The following ZNF804A variants were observed in gnomAD, a reference collection of about 807,000 sequenced individuals.
The protein encoded by ZNF804A is zinc finger protein 804A.
ZNF804A carries 2 observed loss-of-function variants against 16.5 expected under a neutral mutation model. The observed-to-expected ratio is 0.12, with a 90% CI of 0.05 to 0.38. The LOEUF is 0.38. Ranked by LOEUF, ZNF804A falls within the 10% of genes least tolerant of loss-of-function variation. The pLI is 0.99. For synonymous variants in ZNF804A, 534 were observed against 489.6 expected (o/e 1.09, Z -1.20); for missense variants, 1,473 against 1,390.7 (o/e 1.06, Z -0.94).
At chr2:184,766,004 A>G in intron 1 of ZNF804A, among the ~76,000 whole-genome samples, 1 of 152,140 alleles carries the variant, frequency 6.6e-6, no homozygotes, top group East Asian at 1.9e-4. Flanking sequence ...GGAGAAATAA[A>G]TTATTATTGT....
At chr2:184,794,035 T>C (rs995528665) in intron 1 of ZNF804A, among the ~76,000 whole-genome samples, 1 of 152,138 alleles carries the variant, frequency 6.6e-6, no homozygotes, top group Non-Finnish European at 1.5e-5. Context: ...TAAACATGTG[T>C]GTGCAAGTAT....
intron 1 of ZNF804A, among the ~76,000 whole-genome samples, chr2:184,606,281 A>G (rs1453174652): frequency 6.6e-6 from 1 of 152,178 alleles, no homozygotes; most frequent in Non-Finnish European, 1.5e-5. Flanking sequence ...AAAACTTACA[A>G]TCATGGTGGA....
intron 1 of ZNF804A, among the ~76,000 whole-genome samples, chr2:184,726,253 T>C (rs73978076): frequency 0.03 from 4,558 of 151,792 alleles, 232 homozygotes; most frequent in African/African-American, 0.1. Context: ...CCACCAGCAA[T>C]GTATGAGTTT....
intron 1 of ZNF804A, among the ~76,000 whole-genome samples, chr2:184,730,899 G>A (rs889007162): frequency 6.6e-6 from 1 of 151,610 alleles, no homozygotes; most frequent in African/African-American, 2.4e-5. Context: ...AAATACCAAG[G>A]AGCATGATTG....
At chr2:184,831,708 T>TTA (rs1445173022) in intron 1 of ZNF804A, among the ~76,000 whole-genome samples, 30 of 151,180 alleles carry the variant, frequency 2.0e-4, no homozygotes, top group Non-Finnish European at 3.8e-4. Flanking sequence ...AGAAAAGGAA[T>TTA]ATCCTCCTAT....
intron 1 of ZNF804A, among the ~76,000 whole-genome samples, chr2:184,666,439 G>A (rs1692256887): frequency 6.6e-6 from 1 of 151,868 alleles, no homozygotes; most frequent in African/African-American, 2.4e-5. Flanking sequence ...TAAATTTTTA[G>A]CTAATCAAAT....
At chr2:184,860,173 A>G (rs1695776020) in intron 1 of ZNF804A, among the ~76,000 whole-genome samples, 2 of 152,218 alleles carry the variant, frequency 1.3e-5, no homozygotes, top group Non-Finnish European at 2.9e-5. Flanking sequence ...AGTCCAGGGC[A>G]TGTGGACTTG....
rs114461277 is a variant in ZNF804A at position 184,824,941 on chromosome 2, G to A, written c.112-41428G>A. Among the ~76,000 whole-genome samples, 603 of 152,202 alleles carry A rather than the reference G, an allele frequency of 4.0e-3. 12 individuals are homozygous for A. The highest frequency in any genetic ancestry group is 0.013 in the African/African-American group (547 of 41,532). On this transcript the variant is annotated intron_variant, in intron 1 of 3. Coordinates refer to ENST00000302277, the MANE Select transcript of ZNF804A (RefSeq NM_194250.2). ...TGTGACCTACTCTTAGAAGTCCTAT[G>A]GAGTCAGTCCTAGAGTAGCCACAAG...
chr2:184,628,975 AT>A lies in ZNF804A; in HGVS notation c.111+29910del, dbSNP rs1343151406. On this transcript the variant is annotated intron_variant, in intron 1 of 3. Coordinates refer to ENST00000302277, the MANE Select transcript of ZNF804A (RefSeq NM_194250.2). ...AAATTGGAGTCTTGTTAGGATTATA[AT>A]TTTTCCTTATACCTTTTTTCATTCT... 2.6e-5 allele frequency among the ~76,000 whole-genome samples: 4 copies of A among 151,986 alleles called. No individual in the cohort carries two copies. In the East Asian group the frequency reaches 7.7e-4, roughly 29 times the overall value.
intron 1 of ZNF804A, among the ~76,000 whole-genome samples, chr2:184,739,752 C>T (rs1211524047): frequency 6.6e-6 from 1 of 152,280 alleles, no homozygotes; most frequent in East Asian, 1.9e-4. Context: ...TACCTCCATA[C>T]ACAACCACTC....
chr2:184,758,118 T>C (rs569749259), intron 1 of ZNF804A, among the ~76,000 whole-genome samples: 1 of 152,110 alleles, frequency 6.6e-6, no homozygotes, highest in African/African-American at 2.4e-5. Flanking sequence ...GACTCTACTA[T>C]GGGGAAATTT....
intron 2 of ZNF804A, among the ~76,000 whole-genome samples, chr2:184,870,259 ATCTT>A (rs1292676956): frequency 1.3e-5 from 2 of 152,018 alleles, no homozygotes; most frequent in Admixed American, 1.3e-4. Flanking sequence ...TATGTGATTA[ATCTT>A]TCTTTGGAAA....
At chr2:184,908,246 A>C (rs1685307826) in intron 2 of ZNF804A, among the ~76,000 whole-genome samples, 1 of 151,972 alleles carries the variant, frequency 6.6e-6, no homozygotes, top group African/African-American at 2.4e-5. Flanking sequence ...TATTCCTTGG[A>C]TCATGGCCTC....
Position 184,939,161 on chromosome 2 carries a change from C to G in ZNF804A, c.*135C>G. On this transcript the variant is annotated 3_prime_UTR_variant, in exon 4 of 4. Coordinates refer to ENST00000302277, the MANE Select transcript of ZNF804A (RefSeq NM_194250.2). ...ATACATGGCGTCATTGGTTTGAAAT[C>G]ATTTACTGTAAGTGCAATGATGCAA... is the stretch of plus-strand genomic sequence containing the variant. 1 of 1,105,592 alleles carries G rather than the reference C, an allele frequency of 9.0e-7. No homozygotes were observed. Among genetic ancestry groups the G allele is most frequent in the Non-Finnish European group, 1.3e-6 (1 of 776,214 alleles). 68.5% of individuals were successfully genotyped at this position (1,105,592 alleles called of 1,614,324 possible). A position where few individuals can be genotyped will look rare whatever the true frequency, so the allele number is the denominator to read the frequency against.
At chr2:184,607,027 G>A (rs770920123) in intron 1 of ZNF804A, among the ~76,000 whole-genome samples, 1 of 152,090 alleles carries the variant, frequency 6.6e-6, no homozygotes, top group Admixed American at 6.5e-5. Context: ...AACTATATAG[G>A]TTTAAAATTG....
intron 1 of ZNF804A, among the ~76,000 whole-genome samples, chr2:184,854,456 G>T (rs112552136): frequency 2.6e-5 from 4 of 152,108 alleles, no homozygotes; most frequent in Admixed American, 1.3e-4. Context: ...ACAGGGTAAA[G>T]TTCGATGTGC....
intron 1 of ZNF804A, among the ~76,000 whole-genome samples, chr2:184,800,811 C>A (rs1196872498): frequency 2.0e-5 from 3 of 152,044 alleles, no homozygotes; most frequent in South Asian, 4.1e-4. Context: ...TATTTATAAA[C>A]CATATAACCA....
chr2:184,891,441 C>T (rs1016416320), intron 2 of ZNF804A, among the ~76,000 whole-genome samples: 2 of 152,024 alleles, frequency 1.3e-5, no homozygotes, highest in Admixed American at 6.6e-5. Flanking sequence ...TAGTTAAAAT[C>T]ATAATGGAAT....
chr2:184,877,296 A>G (rs947431419), intron 2 of ZNF804A, among the ~76,000 whole-genome samples: 4 of 152,070 alleles, frequency 2.6e-5, no homozygotes, highest in Non-Finnish European at 5.9e-5. Flanking sequence ...ATTTACTAAT[A>G]CTTTATTTTA....
Sources: gnomAD v4.1 joint callset for allele counts (sites outside exome capture counted in the v4.1 genomes callset) on GRCh38, gnomAD v4.1.1 for gene constraint, MANE v1.5 for transcripts, NCBI Gene and HGNC (gene_info 2026-07-23, HGNC 2026-07-21) for gene names.